Variants in ASTN2 observed in about 807,000 individuals in gnomAD.
ASTN2 encodes the protein astrotactin-2.
ASTN2 carries 54 observed loss-of-function variants against 139.8 expected under a neutral mutation model. The observed-to-expected ratio is 0.39, with a 90% CI of 0.31 to 0.48. The LOEUF (loss-of-function observed/expected upper bound fraction) is 0.48. ASTN2 is among the 20% of genes least tolerant of loss of function. ASTN2 has a pLI of 0.95. For synonymous variants in ASTN2, 756 were observed against 719.5 expected, an observed-to-expected ratio of 1.05 and a Z score of -0.81; for missense variants, 1,565 against 1,725.1, an observed-to-expected ratio of 0.91 and a Z score of 1.64.
intron 14 of ASTN2, among the ~76,000 whole-genome samples, chr9:116,731,824 C>T (rs1193157252): frequency 1.3e-5 from 2 of 152,162 alleles, no homozygotes; most frequent in African/African-American, 2.4e-5. Context: ...TCCATTAAAG[C>T]ACAGCACCTC....
At chr9:116,643,211 T>G (rs1385759704) in intron 17 of ASTN2, among the ~76,000 whole-genome samples, 1 of 152,182 alleles carries the variant, frequency 6.6e-6, no homozygotes, top group Non-Finnish European at 1.5e-5. Context: ...CGATAATTGT[T>G]AGGTTTTATT....
At chr9:116,974,925 T>C (rs1026835248) in intron 10 of ASTN2, among the ~76,000 whole-genome samples, 14 of 152,150 alleles carry the variant, frequency 9.2e-5, no homozygotes, top group Non-Finnish European at 1.6e-4. Context: ...TACTGTTAAG[T>C]AAAGATAAGA....
At chr9:117,110,278 T>A (rs990314590) in intron 4 of ASTN2, among the ~76,000 whole-genome samples, 4 of 152,162 alleles carry the variant, frequency 2.6e-5, no homozygotes. Flanking sequence ...AAAATGCCCA[T>A]CCATTTTGAC....
chr9:116,844,232 C>T (rs748047403), intron 11 of ASTN2, among the ~76,000 whole-genome samples: 3 of 152,148 alleles, frequency 2.0e-5, no homozygotes, highest in Non-Finnish European at 4.4e-5. Context: ...CTTTTGATGT[C>T]CCACATCAGA....
chr9:116,458,096 C>A (rs955695596), intron 20 of ASTN2, among the ~76,000 whole-genome samples: 2 of 151,192 alleles, frequency 1.3e-5, no homozygotes. Context: ...ATAAGCCAGG[C>A]ACAGAAAGAC....
chr9:116,554,779 A>G (rs553334772), intron 19 of ASTN2, among the ~76,000 whole-genome samples: 1 of 152,208 alleles, frequency 6.6e-6, no homozygotes, highest in Non-Finnish European at 1.5e-5. Flanking sequence ...AGTGTTACAT[A>G]TTTCCATTTT....
chr9:117,409,580 A>G (rs979966871), intron 1 of ASTN2, among the ~76,000 whole-genome samples: 2 of 152,164 alleles, frequency 1.3e-5, no homozygotes, highest in African/African-American at 4.8e-5. Flanking sequence ...ATCTTTCAAG[A>G]CATTCGTTAG....
At chr9:116,432,596 G>C (rs1847531233) in intron 22 of ASTN2, among the ~76,000 whole-genome samples, 1 of 152,154 alleles carries the variant, frequency 6.6e-6, no homozygotes, top group East Asian at 1.9e-4. Context: ...GGACAGTGTA[G>C]GTTTCCTCTG....
At chr9:117,013,970 A>G (rs1006187874) in intron 6 of ASTN2, among the ~76,000 whole-genome samples, 5 of 152,174 alleles carry the variant, frequency 3.3e-5, no homozygotes, top group African/African-American at 1.2e-4. Flanking sequence ...ATGTGTGGCT[A>G]AAAGATGGTC....
rs1273831574 is a variant in ASTN2, at chr9:117,414,659, T to TCCCAGCCCCGGC, written c.268_279dup (p.Ala90_Gly93dup). 3 of 1,297,114 alleles carry TCCCAGCCCCGGC rather than the reference T, an allele frequency of 2.3e-6. No individual in the cohort carries two copies. The highest frequency in any genetic ancestry group is 2.9e-6 in the Non-Finnish European group (3 of 1,029,728). 80.4% of individuals were successfully genotyped at this position (1,297,114 alleles called of 1,614,324 possible). A position where few individuals can be genotyped will look rare whatever the true frequency, so the allele number is the denominator to read the frequency against. ...GCGGCGGCGGCGGCTCCGGCCCCGG[T>TCCCAGCCCCGGC]CCCAGCCCCGGCCCCGGCGCGGGCG... On this transcript the variant is annotated inframe_insertion, in exon 1 of 23. Transcript: ENST00000313400. This position sits in a 1 kb window ranked among gnomAD's most constrained non-coding sequence, Gnocchi z 4.2.
chr9:117,268,514 G>A (rs183887388), intron 2 of ASTN2, among the ~76,000 whole-genome samples: 131 of 152,204 alleles, frequency 8.6e-4, no homozygotes, highest in African/African-American at 2.9e-3. Context: ...TGTTCCCACC[G>A]TCTAAGGTCT....
intron 10 of ASTN2, among the ~76,000 whole-genome samples, chr9:116,963,556 G>A (rs1835925801): frequency 6.6e-6 from 1 of 152,188 alleles, no homozygotes; most frequent in Admixed American, 6.5e-5. Context: ...TGCACAGAGT[G>A]TGGTGGGGAC....
At chr9:116,880,600 T>C (rs1424336655) in intron 10 of ASTN2, among the ~76,000 whole-genome samples, 1 of 152,140 alleles carries the variant, frequency 6.6e-6, no homozygotes, top group Non-Finnish European at 1.5e-5. Flanking sequence ...GTGAACAAGT[T>C]GTGGTAATGT....
intron 2 of ASTN2, among the ~76,000 whole-genome samples, chr9:117,240,456 A>G (rs1440190166): frequency 6.6e-6 from 1 of 152,214 alleles, no homozygotes; most frequent in Non-Finnish European, 1.5e-5. Context: ...AATGCTTTCA[A>G]TGGGTTACAC....
At chr9:117,077,819 AGGACCTT>A (rs1365401000) in intron 5 of ASTN2, among the ~76,000 whole-genome samples, 3 of 152,198 alleles carry the variant, frequency 2.0e-5, no homozygotes, top group African/African-American at 4.8e-5. Context: ...GAGGCTGCTA[AGGACCTT>A]AAAGGAAAAA....
chr9:117,043,634 C>A (rs1444670600), intron 5 of ASTN2, among the ~76,000 whole-genome samples: 1 of 152,108 alleles, frequency 6.6e-6, no homozygotes, highest in Non-Finnish European at 1.5e-5. Flanking sequence ...GATGGCTGGG[C>A]ACAGTGGCTC....
intron 16 of ASTN2, among the ~76,000 whole-genome samples, chr9:116,679,239 C>A (rs1859686948): frequency 6.6e-6 from 1 of 152,016 alleles, no homozygotes; most frequent in African/African-American, 2.4e-5. Context: ...GTGTTTTAAA[C>A]CTTTGTTATT....
intron 5 of ASTN2, among the ~76,000 whole-genome samples, chr9:117,091,545 T>C (rs1389620142): frequency 2.0e-5 from 3 of 151,952 alleles, no homozygotes; most frequent in African/African-American, 4.8e-5. Flanking sequence ...GCAGAAAATA[T>C]GCCATTTAAG....
At chr9:117,171,545 A>C (rs1830793061) in intron 3 of ASTN2, among the ~76,000 whole-genome samples, 1 of 152,124 alleles carries the variant, frequency 6.6e-6, no homozygotes, top group Non-Finnish European at 1.5e-5. Flanking sequence ...TTGAATCATA[A>C]TCCCCATGTG....
Sources: allele counts gnomAD v4.1 joint callset (sites outside exome capture counted in the v4.1 genomes callset), GRCh38; gene constraint gnomAD v4.1.1; non-coding constraint Gnocchi (gnomAD v3.1); transcripts MANE v1.5; gene names NCBI Gene and HGNC (gene_info 2026-07-23, HGNC 2026-07-21).